The following CCDC88C variants were observed in gnomAD, a reference collection of about 807,000 sequenced individuals.
CCDC88C encodes protein Daple.
Under a neutral mutation model 198.8 loss-of-function variants are expected in CCDC88C, and 131 were observed. The ratio of observed to expected loss-of-function variants is 0.66; its 90% CI spans 0.57 to 0.76. CCDC88C has a LOEUF of 0.76. Among genes scored for constraint, CCDC88C ranks in the 30% least tolerant of loss-of-function variants. The pLI, the probability that CCDC88C is intolerant of heterozygous loss-of-function variation, is 0.00. For missense variants in CCDC88C, 2,553 were observed against 2,631.6 expected (o/e 0.97, Z 0.65); for synonymous variants, 1,166 against 1,114.7 (o/e 1.05, Z -0.92).
chr14:91,281,071 T>C (rs1274727874), intron 27 of CCDC88C: 4 of 436,690 alleles, frequency 9.2e-6, no homozygotes, highest in Non-Finnish European at 1.9e-5. Flanking sequence ...CTTCTAACAA[T>C]TTCCAAGACT....
At position 91,408,651 on chromosome 14, in the gene CCDC88C, G is replaced by A; in HGVS notation, c.270+8C>T. ...CATCAGAATTCCCGACAGCAGAACT[G>A]CCCTTACCTGGTAGTAGGTCTTAAT... On this transcript the variant is annotated splice_region_variant and intron_variant, in intron 3 of 29. Transcript: ENST00000389857. The A allele has an allele frequency of 1.3e-6, 2 of 1,542,138 alleles. No homozygotes were observed. Among genetic ancestry groups the A allele is most frequent in the Non-Finnish European group, 1.8e-6 (2 of 1,114,586 alleles).
chr14:91,339,748 G>A lies in CCDC88C; in HGVS notation c.624+136C>T, dbSNP rs1050131388. ...CATGCACTGCAGGGGCCGTAACCAG[G>A]GAAAGCACGCACGTCCCACCCCCAC... is the stretch of plus-strand genomic sequence containing the variant. On this transcript the variant is annotated intron_variant, in intron 7 of 29. Transcript: ENST00000389857. This position sits in a 1 kb window ranked among gnomAD's most constrained non-coding sequence, Gnocchi z 5.8. The A allele has an allele frequency of 2.7e-5, 31 of 1,137,506 alleles. No individual in the cohort carries two copies. The highest frequency in any genetic ancestry group is 3.8e-5 in the Non-Finnish European group (31 of 826,590). The allele number at this position is 1,137,506 out of a possible 1,614,324, so 70.5% of individuals were successfully genotyped here. A position where few individuals can be genotyped will look rare whatever the true frequency, so the allele number is the denominator to read the frequency against.
At chr14:91,335,971 G>C (rs1006930145) in intron 10 of CCDC88C, among the ~76,000 whole-genome samples, 1 of 152,136 alleles carries the variant, frequency 6.6e-6, no homozygotes, top group Non-Finnish European at 1.5e-5. Context: ...CTGCGTTGGC[G>C]GCTCAGTGTC....
At chr14:91,331,719 G>A (rs1204664424) in intron 10 of CCDC88C, among the ~76,000 whole-genome samples, 1 of 152,162 alleles carries the variant, frequency 6.6e-6, no homozygotes, top group Non-Finnish European at 1.5e-5. Flanking sequence ...GGCTCCCCAC[G>A]GACAGGTGCA....
chr14:91,385,191 C>T (rs1296726642), intron 3 of CCDC88C, among the ~76,000 whole-genome samples: 1 of 152,138 alleles, frequency 6.6e-6, no homozygotes, highest in African/African-American at 2.4e-5. Context: ...GAAAGTGTCA[C>T]CCACCGGCCA....
chr14:91,343,495 A>C, intron 5 of CCDC88C, 104 bp downstream of exon 5: 1 of 1,532,258 alleles, frequency 6.5e-7, no homozygotes, highest in Non-Finnish European at 8.8e-7. Context: ...ATTGGACTGA[A>C]AGGAGCATCC....
intron 6 of CCDC88C, 137 bp downstream of exon 6, chr14:91,342,243 G>A (rs1400995565): frequency 5.1e-6 from 3 of 587,558 alleles, no homozygotes; most frequent in Admixed American, 2.6e-5. Context: ...TGTCTGTGGT[G>A]TCTGAAACCT....
At chr14:91,353,885 C>T (rs544433558) in intron 4 of CCDC88C, among the ~76,000 whole-genome samples, 2 of 152,220 alleles carry the variant, frequency 1.3e-5, no homozygotes, top group Non-Finnish European at 2.9e-5. Flanking sequence ...CAGTCGCAGC[C>T]CCTCCAGGGC....
rs1022968644 is a variant in CCDC88C at position 91,381,467 on chromosome 14, G to A, written c.271-21756C>T. ...AAAAATGCTTTAAAACTTGACCCAA[G>A]AAGAGAGCAGGCAGCAACACTTTCT... On this transcript the variant is annotated intron_variant, in intron 3 of 29. Transcript: ENST00000389857. This position sits in a 1 kb window ranked among gnomAD's most constrained non-coding sequence, Gnocchi z 4.2. 6.6e-6 allele frequency among the ~76,000 whole-genome samples: 1 copy of A among 152,228 alleles called. No individual in the cohort carries two copies. Among genetic ancestry groups the A allele is most frequent in the Admixed American group, 6.5e-5 (1 of 15,280 alleles).
At chr14:91,390,065 C>CT (rs1322019585) in intron 3 of CCDC88C, among the ~76,000 whole-genome samples, 4 of 148,886 alleles carry the variant, frequency 2.7e-5, no homozygotes, top group Non-Finnish European at 4.4e-5. Context: ...GGGTGAGACT[C>CT]TGTTTCAAAA....
Position 91,278,163 on chromosome 14 carries a change from T to C in CCDC88C, c.4817A>G (p.Asp1606Gly). The change falls in exon 29 of 30, where the codon GAC becomes GGC. Residue 1606 changes from aspartate (D) to glycine (G), a missense_variant. Transcript: ENST00000389857. ...GGCCAGGTCCCTGCTGGGGATCAGG[T>C]CTTCGCTGCTGAAGCTCTCAGACCG... The part of the protein sequence containing the change: ...HGRSESFSSE[D>G]LIPSRDLATL... 6.2e-7 allele frequency: 1 copy of C among 1,612,114 alleles called. No homozygotes were observed. The highest frequency in any genetic ancestry group is 2.2e-5 in the East Asian group (1 of 44,838).
chr14:91,393,326 G>GC (rs1299937303), intron 3 of CCDC88C, among the ~76,000 whole-genome samples: 6 of 152,074 alleles, frequency 3.9e-5, no homozygotes, highest in Non-Finnish European at 4.4e-5. Flanking sequence ...TAGGATGGGA[G>GC]CCCCCCCACC....
chr14:91,308,369 T>C lies in CCDC88C; in HGVS notation c.2988A>G (p.Leu996=), dbSNP rs1274890736. The change falls in exon 17 of 30, where the codon TTA becomes TTG. Residue 996 remains leucine, a synonymous_variant. Coordinates refer to ENST00000389857, the MANE Select transcript of CCDC88C (RefSeq NM_001080414.4). ...CACTCACCATCTGCAGCTCACTCTC[T>C]AACTGGCGATTTAGGCTCGCTTTCT... The part of the protein sequence containing the change: ...MEEKASLNRQ[L]ESELQMLKKE... 1 of 1,614,078 alleles carries C rather than the reference T, an allele frequency of 6.2e-7. No homozygotes were observed. The highest frequency in any genetic ancestry group is 1.1e-5 in the South Asian group (1 of 91,088).
At chr14:91,359,121 G>T (rs1894176673) in intron 4 of CCDC88C, among the ~76,000 whole-genome samples, 1 of 150,948 alleles carries the variant, frequency 6.6e-6, no homozygotes, top group African/African-American at 2.4e-5. Context: ...GGCCTCACTG[G>T]CCTCTGCACA....
intron 29 of CCDC88C, among the ~76,000 whole-genome samples, chr14:91,274,163 T>C (rs1212415711): frequency 1.4e-5 from 2 of 143,034 alleles, no homozygotes; most frequent in East Asian, 4.1e-4. Flanking sequence ...CACTCAGACC[T>C]CTCTCTGGGC....
intron 4 of CCDC88C, among the ~76,000 whole-genome samples, chr14:91,358,033 C>T (rs925712155): frequency 3.3e-5 from 5 of 152,214 alleles, no homozygotes; most frequent in African/African-American, 1.2e-4. Flanking sequence ...TGAAGACTAT[C>T]AGGGGTCCAG....
At chr14:91,295,902 T>C (rs1890981764) in intron 22 of CCDC88C, among the ~76,000 whole-genome samples, 1 of 152,142 alleles carries the variant, frequency 6.6e-6, no homozygotes, top group Non-Finnish European at 1.5e-5. Context: ...ATCTGACTGA[T>C]GTCCTTTCAA....
intron 3 of CCDC88C, among the ~76,000 whole-genome samples, chr14:91,391,439 T>G (rs2139978926): frequency 6.6e-6 from 1 of 152,282 alleles, no homozygotes; most frequent in South Asian, 2.1e-4. Context: ...GAACTGAAAT[T>G]CTGTACCCCT....
At chr14:91,370,107 G>A (rs543150743) in intron 3 of CCDC88C, among the ~76,000 whole-genome samples, 10 of 152,168 alleles carry the variant, frequency 6.6e-5, no homozygotes, top group Non-Finnish European at 1.2e-4. Context: ...CTCAAACACC[G>A]CAGCATGAGG....
Sources: allele counts gnomAD v4.1 joint callset (sites outside exome capture counted in the v4.1 genomes callset), GRCh38; gene constraint gnomAD v4.1.1; non-coding constraint Gnocchi (gnomAD v3.1); transcripts MANE v1.5; gene names NCBI Gene and HGNC (gene_info 2026-07-23, HGNC 2026-07-21).